Variants in PPP2R3A observed in about 807,000 individuals in gnomAD.
PPP2R3A encodes the protein serine/threonine-protein phosphatase 2A regulatory subunit B'' subunit alpha.
Under a neutral mutation model 106.9 loss-of-function variants are expected in PPP2R3A, and 80 were observed. The observed-to-expected ratio is 0.75, with a 90% CI of 0.62 to 0.90. The LOEUF is 0.90. Among genes scored for constraint, PPP2R3A ranks in the 40% least tolerant of loss-of-function variants. The probability of loss-of-function intolerance (pLI) is 0.00; values close to 1 mark genes in which losing one functional copy is unlikely to be tolerated. For missense variants in PPP2R3A, 1,386 were observed against 1,350.4 expected, an observed-to-expected ratio of 1.03 and a Z score of -0.41; for synonymous variants, 483 against 468.3, an observed-to-expected ratio of 1.03 and a Z score of -0.41.
chr3:136,087,879 T>G lies in PPP2R3A; in HGVS notation c.2789-4T>G, dbSNP rs1370725350. On this transcript the variant is annotated splice_region_variant and splice_polypyrimidine_tract_variant and intron_variant, in intron 8 of 13. Coordinates refer to ENST00000264977, the MANE Select transcript of PPP2R3A (RefSeq NM_002718.5). ...TTTGCAATTTTTTTTTTATCTACAT[T>G]TAGCTTCATCAAGCAGGATTATTGA... The G allele has an allele frequency of 1.9e-6, 3 of 1,607,952 alleles. No individual in the cohort carries two copies. The highest frequency in any genetic ancestry group is 2.6e-6 in the Non-Finnish European group (3 of 1,175,792).
intron 13 of PPP2R3A, among the ~76,000 whole-genome samples, chr3:136,128,461 A>G (rs555698062): frequency 1.3e-5 from 2 of 152,308 alleles, no homozygotes; most frequent in Admixed American, 1.3e-4. Flanking sequence ...TTCAACAAGA[A>G]GAGCTAACTA....
chr3:136,087,877 A>G lies in PPP2R3A; in HGVS notation c.2789-6A>G, dbSNP rs1185971325. 3 of 1,606,560 alleles carry G rather than the reference A, an allele frequency of 1.9e-6. No individual in the cohort carries two copies. Among genetic ancestry groups the G allele is most frequent in the Non-Finnish European group, 1.7e-6 (2 of 1,174,980 alleles). On this transcript the variant is annotated splice_region_variant and splice_polypyrimidine_tract_variant and intron_variant, in intron 8 of 13. Coordinates refer to ENST00000264977, the MANE Select transcript of PPP2R3A (RefSeq NM_002718.5). ...GCTTTGCAATTTTTTTTTTATCTAC[A>G]TTTAGCTTCATCAAGCAGGATTATT...
At chr3:136,125,127 C>A (rs983400271) in intron 13 of PPP2R3A, among the ~76,000 whole-genome samples, 9 of 152,090 alleles carry the variant, frequency 5.9e-5, no homozygotes, top group Non-Finnish European at 1.3e-4. Context: ...TCGAGACCAG[C>A]CTGACCAACA....
chr3:136,114,051 C>A (rs1937646289), intron 13 of PPP2R3A, among the ~76,000 whole-genome samples: 1 of 152,170 alleles, frequency 6.6e-6, no homozygotes, highest in Admixed American at 6.5e-5. Flanking sequence ...TTTCTGCATT[C>A]CCCGCTGAGG....
chr3:136,034,624 G>C (rs543340502), intron 3 of PPP2R3A, among the ~76,000 whole-genome samples: 1 of 152,254 alleles, frequency 6.6e-6, no homozygotes, highest in South Asian at 2.1e-4. Flanking sequence ...ATGTATTGAG[G>C]CTCGTTTTGT....
At chr3:136,016,829 T>C (rs922146131) in intron 2 of PPP2R3A, among the ~76,000 whole-genome samples, 3 of 152,208 alleles carry the variant, frequency 2.0e-5, no homozygotes, top group Non-Finnish European at 2.9e-5. Flanking sequence ...ACTATTGCCA[T>C]GTGAGGTACT....
At chr3:136,127,874 A>C (rs537277490) in intron 13 of PPP2R3A, among the ~76,000 whole-genome samples, 7 of 152,328 alleles carry the variant, frequency 4.6e-5, no homozygotes, top group South Asian at 4.1e-4. Flanking sequence ...TTCTTAAAGA[A>C]AAGAATTTTC....
chr3:136,019,999 T>C (rs1934409353), intron 2 of PPP2R3A, among the ~76,000 whole-genome samples: 1 of 152,148 alleles, frequency 6.6e-6, no homozygotes, highest in Non-Finnish European at 1.5e-5. Flanking sequence ...AACATTGTGC[T>C]AGAAAGCACA....
intron 4 of PPP2R3A, among the ~76,000 whole-genome samples, 185 bp from the exon 5 acceptor site, chr3:136,049,074 A>T (rs1935579328): frequency 6.6e-6 from 1 of 152,196 alleles, no homozygotes; most frequent in South Asian, 2.1e-4. Flanking sequence ...GGTCTAATAG[A>T]CTTCAGTACT....
chr3:136,009,918 A>G (rs1331701699), intron 2 of PPP2R3A, among the ~76,000 whole-genome samples: 1 of 152,160 alleles, frequency 6.6e-6, no homozygotes, highest in African/African-American at 2.4e-5. Context: ...TTGGCTACAG[A>G]AGATCACACA....
chr3:136,136,045 C>T (rs1295122207), intron 13 of PPP2R3A, among the ~76,000 whole-genome samples: 1 of 22,364 alleles, frequency 4.5e-5, no homozygotes, highest in Non-Finnish European at 8.1e-5. Context: ...GACTCCGTCT[C>T]AAAAAAAAAA....
At chr3:136,050,525 G>C (rs1219887724) in intron 5 of PPP2R3A, among the ~76,000 whole-genome samples, 4 of 152,184 alleles carry the variant, frequency 2.6e-5, no homozygotes, top group Non-Finnish European at 5.9e-5. Flanking sequence ...ATTCCCTTCA[G>C]ATCCAGAGGT....
At chr3:136,047,406 T>C (rs893993959) in intron 4 of PPP2R3A, among the ~76,000 whole-genome samples, 2 of 152,204 alleles carry the variant, frequency 1.3e-5, no homozygotes, top group African/African-American at 2.4e-5. Context: ...TGCCCATCAA[T>C]GGTGGACTGG....
chr3:136,072,193 T>C (rs1055147188), intron 6 of PPP2R3A, among the ~76,000 whole-genome samples: 1 of 152,164 alleles, frequency 6.6e-6, no homozygotes, highest in Non-Finnish European at 1.5e-5. Flanking sequence ...TAATATAAGC[T>C]CCATACAAGC....
At chr3:136,112,564 G>T (rs1937609398) in intron 13 of PPP2R3A, among the ~76,000 whole-genome samples, 1 of 152,094 alleles carries the variant, frequency 6.6e-6, no homozygotes, top group Admixed American at 6.6e-5. Flanking sequence ...TAAGATACCT[G>T]GGAATAAGGG....
intron 5 of PPP2R3A, among the ~76,000 whole-genome samples, chr3:136,069,086 C>A (rs57507646): frequency 6.6e-6 from 1 of 152,096 alleles, no homozygotes; most frequent in Non-Finnish European, 1.5e-5. Flanking sequence ...AAGCTAAATG[C>A]AGTGTAAGAT....
intron 6 of PPP2R3A, 26 bp downstream of exon 6, chr3:136,070,578 A>G (rs762276387): frequency 1.3e-6 from 2 of 1,567,372 alleles, no homozygotes; most frequent in Non-Finnish European, 1.7e-6. Context: ...TTTTTTCTTA[A>G]TATAACTCCA....
chr3:136,019,823 A>G lies in PPP2R3A; in HGVS notation c.1996-7009A>G, dbSNP rs147790616. ...AATTTTTTGGAAAACATTTTGATATATCAAAACTTACCAATTATTTCCTCA... is the reference window on the plus strand; with the variant it reads ...AATTTTTTGGAAAACATTTTGATATGTCAAAACTTACCAATTATTTCCTCA... On this transcript the variant is annotated intron_variant, in intron 2 of 13. Transcript: ENST00000264977. 3.7e-4 allele frequency among the ~76,000 whole-genome samples: 56 copies of G among 152,292 alleles called. 1 individual carries two copies. In the East Asian group the frequency reaches 9.8e-3, roughly 27 times the overall value.
intron 12 of PPP2R3A, among the ~76,000 whole-genome samples, chr3:136,105,284 A>G (rs1399816702): frequency 2.0e-5 from 3 of 152,296 alleles, no homozygotes; most frequent in South Asian, 4.1e-4. Flanking sequence ...CTGCTGTGCA[A>G]AGTGCCAGAG....
Sources: allele counts gnomAD v4.1 joint callset (sites outside exome capture counted in the v4.1 genomes callset), GRCh38; gene constraint gnomAD v4.1.1; transcripts MANE v1.5; gene names NCBI Gene and HGNC (gene_info 2026-07-23, HGNC 2026-07-21).